Variants in GALNTL6 observed in about 807,000 individuals in gnomAD.
The protein encoded by GALNTL6 is polypeptide N-acetylgalactosaminyltransferase like 6.
In GALNTL6, 46 loss-of-function variants were observed where a neutral mutation model predicts 73.7. The ratio of observed to expected loss-of-function variants is 0.62; its 90% CI spans 0.49 to 0.80. The LOEUF (loss-of-function observed/expected upper bound fraction) is 0.80, where lower values mean the gene tolerates loss of function less well. GALNTL6 is among the 30% of genes least tolerant of loss of function. GALNTL6 has a pLI of 0.00. For synonymous variants in GALNTL6, 259 were observed against 263.7 expected, an observed-to-expected ratio of 0.98 and a Z score of 0.17; for missense variants, 604 against 755.0, an observed-to-expected ratio of 0.80 and a Z score of 2.34.
Position 172,850,590 on chromosome 4 carries a change from A to T in GALNTL6, c.924-32200A>T, listed in dbSNP as rs1248403298. Among the ~76,000 whole-genome samples, 5 of 152,258 alleles carry T rather than the reference A, an allele frequency of 3.3e-5. No homozygotes were observed. The South Asian group carries it at 6.2e-4, about 19-fold the overall frequency. ...GTAGACTCCAGATGGGCGTCCTGTG[A>T]TTCTACTGATTCTGACACTATCTAC... On this transcript the variant is annotated intron_variant, in intron 7 of 12. Transcript: ENST00000506823.
chr4:172,884,154 T>C (rs1745597843), intron 8 of GALNTL6, among the ~76,000 whole-genome samples: 1 of 152,182 alleles, frequency 6.6e-6, no homozygotes, highest in South Asian at 2.1e-4. Flanking sequence ...GATTACTAGA[T>C]TATATGGTAG....
chr4:171,986,068 C>T (rs981228885), intron 2 of GALNTL6, among the ~76,000 whole-genome samples: 2 of 146,254 alleles, frequency 1.4e-5, no homozygotes, highest in Admixed American at 6.8e-5. Context: ...CACTTCTGTC[C>T]AATTGGAAAA....
intron 5 of GALNTL6, among the ~76,000 whole-genome samples, chr4:172,401,714 A>G (rs555236357): frequency 2.0e-5 from 3 of 152,276 alleles, no homozygotes; most frequent in South Asian, 4.1e-4. Flanking sequence ...AAGTTGTATC[A>G]TCACATTTGT....
intron 2 of GALNTL6, among the ~76,000 whole-genome samples, chr4:172,059,143 G>A (rs1473902627): frequency 1.3e-5 from 2 of 152,210 alleles, no homozygotes; most frequent in East Asian, 3.8e-4. Context: ...TCTCCTTGGA[G>A]AAGGAATCTT....
intron 5 of GALNTL6, among the ~76,000 whole-genome samples, chr4:172,487,367 C>CTTCTTTCCTTCTT (rs1561107022): frequency 0.013 from 1,140 of 86,948 alleles, 8 homozygotes; most frequent in Middle Eastern, 0.015. Flanking sequence ...TCCTTCTTTC[C>CTTCTTTCCTTCTT]TTCTTTTCTT....
chr4:172,206,508 A>G (rs1736113427), intron 2 of GALNTL6, among the ~76,000 whole-genome samples: 1 of 152,176 alleles, frequency 6.6e-6, no homozygotes, highest in African/African-American at 2.4e-5. Context: ...TGCCAGTAAG[A>G]TAAGCTGTTT....
intron 10 of GALNTL6, among the ~76,000 whole-genome samples, chr4:172,993,490 T>G (rs76651376): frequency 6.6e-6 from 1 of 152,212 alleles, no homozygotes; most frequent in Non-Finnish European, 1.5e-5. Context: ...AAGCTTCTCC[T>G]GAAGAATGGC....
intron 5 of GALNTL6, among the ~76,000 whole-genome samples, chr4:172,389,457 T>A (rs1743585183): frequency 6.6e-6 from 1 of 152,116 alleles, no homozygotes; most frequent in South Asian, 2.1e-4. Context: ...ATTATGGGAA[T>A]GCATATTTAT....
intron 2 of GALNTL6, among the ~76,000 whole-genome samples, chr4:171,979,496 TC>T (rs1739826956): frequency 1.3e-5 from 2 of 152,056 alleles, no homozygotes; most frequent in Non-Finnish European, 2.9e-5. Context: ...CCTACTTGGG[TC>T]AGGGAAAAGA....
chr4:171,900,339 A>T (rs1737047828), intron 2 of GALNTL6, among the ~76,000 whole-genome samples: 1 of 152,038 alleles, frequency 6.6e-6, no homozygotes, highest in Admixed American at 6.6e-5. Context: ...ACAGAGTCTC[A>T]CTCTGTTGCC....
At chr4:172,364,653 T>C (rs981604722) in intron 5 of GALNTL6, among the ~76,000 whole-genome samples, 5 of 152,176 alleles carry the variant, frequency 3.3e-5, no homozygotes, top group African/African-American at 1.2e-4. Flanking sequence ...GGAAGATAAA[T>C]ATTTATTGAA....
chr4:172,461,834 A>G (rs1390719073), intron 5 of GALNTL6, among the ~76,000 whole-genome samples: 2 of 152,206 alleles, frequency 1.3e-5, no homozygotes. Flanking sequence ...TCACTGGGCT[A>G]TGGGATGCCC....
chr4:171,833,184 G>A (rs1412333531), intron 2 of GALNTL6, among the ~76,000 whole-genome samples: 1 of 151,666 alleles, frequency 6.6e-6, no homozygotes, highest in African/African-American at 2.4e-5. Context: ...TTTTATGAAT[G>A]TGAAGTAAAG....
intron 2 of GALNTL6, among the ~76,000 whole-genome samples, chr4:171,822,085 A>T (rs918326772): frequency 6.6e-6 from 1 of 151,414 alleles, no homozygotes; most frequent in Non-Finnish European, 1.5e-5. Flanking sequence ...CAATATAAGC[A>T]TTTTTTTTTC....
chr4:172,795,663 C>A (rs1414559663), intron 5 of GALNTL6, among the ~76,000 whole-genome samples: 2 of 152,092 alleles, frequency 1.3e-5, no homozygotes, highest in East Asian at 3.8e-4. Context: ...TCCCCTCAAG[C>A]ATTTATCCTT....
intron 10 of GALNTL6, among the ~76,000 whole-genome samples, chr4:172,966,198 C>T (rs373918508): frequency 2.0e-5 from 3 of 152,090 alleles, no homozygotes; most frequent in African/African-American, 7.2e-5. Context: ...ATACCTCCAC[C>T]CTACCAATGG....
At chr4:172,848,069 AT>A (rs1310377756) in intron 7 of GALNTL6, among the ~76,000 whole-genome samples, 3 of 152,032 alleles carry the variant, frequency 2.0e-5, no homozygotes, top group South Asian at 4.1e-4. Context: ...TTAGTCCAAA[AT>A]TTTTTTTGAA....
intron 2 of GALNTL6, among the ~76,000 whole-genome samples, chr4:171,881,910 T>C (rs746226839): frequency 4.3e-4 from 65 of 152,354 alleles, no homozygotes; most frequent in Non-Finnish European, 7.2e-4. Flanking sequence ...ATGAGATCCA[T>C]ATGTGAGCAA....
chr4:172,151,938 ATATCTATCTATCTATCTATCTATCTATC>A (rs10528560), intron 2 of GALNTL6, among the ~76,000 whole-genome samples: 19 of 146,510 alleles, frequency 1.3e-4, no homozygotes, highest in Admixed American at 1.2e-3. Context: ...ATATAAATTT[ATATCTATCTATCTATCTATCTATCTATC>A]TATCTATCTA....
Sources: allele counts gnomAD v4.1 joint callset (sites outside exome capture counted in the v4.1 genomes callset), GRCh38; gene constraint gnomAD v4.1.1; transcripts MANE v1.5; gene names NCBI Gene and HGNC (gene_info 2026-07-23, HGNC 2026-07-21).